The following MYOCD variants were observed in gnomAD, a reference collection of about 807,000 sequenced individuals.
MYOCD encodes myocardin.
A neutral mutation model predicts 96.1 loss-of-function variants in MYOCD; 32 were observed. The ratio of observed to expected loss-of-function variants is 0.33; its 90% confidence interval spans 0.25 to 0.45. The LOEUF is 0.45. Ranked by LOEUF, MYOCD falls within the 20% of genes least tolerant of loss-of-function variation. The pLI, the probability that MYOCD is intolerant of heterozygous loss-of-function variation, is 1.00. For synonymous variants in MYOCD, 469 were observed against 469.0 expected, an observed-to-expected ratio of 1.00 and a Z score of 0.00; for missense variants, 1,133 against 1,200.6, an observed-to-expected ratio of 0.94 and a Z score of 0.83.
chr17:12,753,390 A>C, intron 10 of MYOCD, 44 bp downstream of exon 10: 4 of 1,499,256 alleles, frequency 2.7e-6, no homozygotes, highest in Non-Finnish European at 3.6e-6. Flanking sequence ...TTCTTTCTGG[A>C]AGTGGGTTAC....
At chr17:12,736,047 A>C in intron 5 of MYOCD, 114 bp from the exon 6 acceptor site, 2 of 888,854 alleles carry the variant, frequency 2.3e-6, no homozygotes, top group Admixed American at 4.6e-5. Context: ...AACTTAAAAC[A>C]AACTGGAGAG....
chr17:12,720,072 C>A (rs1352227331), intron 4 of MYOCD, among the ~76,000 whole-genome samples: 2 of 151,974 alleles, frequency 1.3e-5, no homozygotes, highest in African/African-American at 4.8e-5. Flanking sequence ...GCGTCTCCCG[C>A]TCTTTTCCTT....
chr17:12,752,474 G>A lies in MYOCD; in HGVS notation c.1186G>A (p.Ala396Thr). 1 of 1,614,086 alleles carries A rather than the reference G, an allele frequency of 6.2e-7. No homozygotes were observed. Among genetic ancestry groups the A allele is most frequent in the East Asian group, 2.2e-5 (1 of 44,882 alleles). ...CTTGCCTGTGTCAGGCACCAAAACG[G>A]CTCTCATGGACCGGCTTCGACCCTT... ...RGLPVSGTKT[A>T]LMDRLRPFQD... Residue 396 changes from alanine to threonine, a missense_variant, in exon 10 of 14, where the codon GCT becomes ACT. Transcript: ENST00000425538.
At chr17:12,671,934 C>G (rs1289059726) in intron 1 of MYOCD, 1 of 152,154 alleles carries the variant, frequency 6.6e-6, no homozygotes, top group East Asian at 1.9e-4. Flanking sequence ...GAACAGGTAC[C>G]CCACATCTCT....
chr17:12,677,110 T>G (rs998221948), intron 1 of MYOCD, among the ~76,000 whole-genome samples: 2 of 152,104 alleles, frequency 1.3e-5, no homozygotes, highest in Non-Finnish European at 2.9e-5. Flanking sequence ...AGGGACATGG[T>G]TGGAGCTGGA....
At position 12,752,657 on chromosome 17, in the gene MYOCD, C is replaced by G. The variant is rs1680016223; in HGVS notation, c.1369C>G (p.Pro457Ala). 3 of 1,613,952 alleles carry G rather than the reference C, an allele frequency of 1.9e-6. No homozygotes were observed. The South Asian group carries it at 3.3e-5, about 18-fold the overall frequency. Residue 457 changes from proline (P) to alanine (A), a missense_variant, in exon 10 of 14, where the codon CCG becomes GCG. Pro to Ala is a conservative substitution (Grantham distance 27, BLOSUM62 -1). Coordinates refer to ENST00000425538, the MANE Select transcript of MYOCD (RefSeq NM_001146312.3). ...CTTTGGCAGCACCAGCTCCAGCCCCCCGATCTCCCCAGCCTCCTCTGACCT... is the reference window on the plus strand; with the variant it reads ...CTTTGGCAGCACCAGCTCCAGCCCCGCGATCTCCCCAGCCTCCTCTGACCT... ...YHFGSTSSSP[P>A]ISPASSDLSV...
At chr17:12,724,974 T>G (rs1449069221) in intron 5 of MYOCD, among the ~76,000 whole-genome samples, 1 of 152,130 alleles carries the variant, frequency 6.6e-6, no homozygotes, top group Admixed American at 6.5e-5. Context: ...TGAATTCATG[T>G]GTTTAAAATA....
rs568559720 is a variant in MYOCD at position 12,676,291 on chromosome 17, A to G, written c.55+10048A>G. On this transcript the variant is annotated intron_variant, in intron 1 of 13. Transcript: ENST00000425538. The stretch of plus-strand genomic sequence containing the variant: ...CACACACACACACACACACACACAC[A>G]CAGAAATGTCTTGACCATAAGACAG... Among the ~76,000 whole-genome samples, 4 of 145,056 alleles carry G rather than the reference A, an allele frequency of 2.8e-5. No homozygotes were observed. In the East Asian group the frequency reaches 8.1e-4, roughly 29 times the overall value.
intron 5 of MYOCD, among the ~76,000 whole-genome samples, chr17:12,731,412 T>C (rs1178168436): frequency 6.6e-6 from 1 of 152,232 alleles, no homozygotes; most frequent in African/African-American, 2.4e-5. Flanking sequence ...GGAGTTGTGC[T>C]GACCTTTGCA....
intron 1 of MYOCD, among the ~76,000 whole-genome samples, chr17:12,694,100 T>C (rs1039079487): frequency 6.6e-6 from 1 of 151,378 alleles, no homozygotes; most frequent in African/African-American, 2.4e-5. Context: ...GAACTGGGAG[T>C]GGAAAGAAGG....
chr17:12,732,340 C>T lies in MYOCD; in HGVS notation c.416-3821C>T, dbSNP rs959776271. ...GCCACTCTATCATTTCTCGTCCACA[C>T]GCCCCATCCTTTCATTGTCAGACGC... On this transcript the variant is annotated intron_variant, in intron 5 of 13. Transcript: ENST00000425538. 5.3e-5 allele frequency among the ~76,000 whole-genome samples: 8 copies of T among 152,308 alleles called. No individual in the cohort carries two copies. In the South Asian group the frequency reaches 1.2e-3, roughly 24 times the overall value.
intron 1 of MYOCD, among the ~76,000 whole-genome samples, chr17:12,673,644 T>C (rs746538020): frequency 2.0e-5 from 3 of 152,190 alleles, no homozygotes; most frequent in African/African-American, 4.8e-5. Flanking sequence ...AAATCCTTCA[T>C]GTAAAGAAAG....
chr17:12,688,637 T>G (rs1299692735), intron 1 of MYOCD, among the ~76,000 whole-genome samples: 1 of 150,410 alleles, frequency 6.6e-6, no homozygotes, highest in Non-Finnish European at 1.5e-5. Flanking sequence ...TCCGTCTTCT[T>G]CCTTCCATCT....
At chr17:12,680,489 A>G (rs993399793) in intron 1 of MYOCD, among the ~76,000 whole-genome samples, 18 of 152,174 alleles carry the variant, frequency 1.2e-4, no homozygotes, top group Non-Finnish European at 2.1e-4. Flanking sequence ...AAGCGAACAC[A>G]AGAAGGCGTA....
rs2033397725 is a variant in MYOCD, at chr17:12,768,509, G to A, written c.*4865G>A. The stretch of plus-strand genomic sequence containing the variant: ...CCATCTGCTCCCATCGTGAACCCTG[G>A]AGCATGCATTTCCTAGAAGTGGTTT... On this transcript the variant is annotated 3_prime_UTR_variant, in exon 14 of 14. Coordinates refer to ENST00000425538, the MANE Select transcript of MYOCD (RefSeq NM_001146312.3). 6.6e-6 allele frequency: 1 copy of A among 152,128 alleles called. No homozygotes were observed. Among genetic ancestry groups the A allele is most frequent in the South Asian group, 2.1e-4 (1 of 4,832 alleles). 9.4% of individuals were successfully genotyped at this position (152,128 alleles called of 1,614,324 possible). A position where few individuals can be genotyped will look rare whatever the true frequency, so the allele number is the denominator to read the frequency against.
At chr17:12,727,187 G>A (rs968619136) in intron 5 of MYOCD, among the ~76,000 whole-genome samples, 1 of 152,144 alleles carries the variant, frequency 6.6e-6, no homozygotes, top group African/African-American at 2.4e-5. Flanking sequence ...AAAAGGAATG[G>A]CTAGAGAAAG....
At chr17:12,700,042 G>A (rs1313944630) in intron 1 of MYOCD, among the ~76,000 whole-genome samples, 1 of 151,324 alleles carries the variant, frequency 6.6e-6, no homozygotes, top group Non-Finnish European at 1.5e-5. Context: ...CCGAGTAGCT[G>A]GGACCACAGG....
chr17:12,743,011 A>G (rs544005903), intron 7 of MYOCD, among the ~76,000 whole-genome samples: 1 of 152,224 alleles, frequency 6.6e-6, no homozygotes, highest in South Asian at 2.1e-4. Context: ...ATTATCTTTT[A>G]TAGTCTTTAT....
intron 4 of MYOCD, among the ~76,000 whole-genome samples, chr17:12,721,253 G>A (rs1308143157): frequency 6.6e-6 from 1 of 152,056 alleles, no homozygotes; most frequent in South Asian, 2.1e-4. Context: ...CATGTCTCTG[G>A]TGCCTCCCAT....
Sources: allele counts gnomAD v4.1 joint callset (sites outside exome capture counted in the v4.1 genomes callset), GRCh38; gene constraint gnomAD v4.1.1; transcripts MANE v1.5; gene names NCBI Gene and HGNC (gene_info 2026-07-23, HGNC 2026-07-21).